GCNT2: variants seen among roughly 807,000 people sequenced by gnomAD.
GCNT2 encodes the protein glucosaminyl (N-acetyl) transferase 2 (I blood group).
GCNT2 carries 34 observed loss-of-function variants against 34.2 expected under a neutral mutation model. The ratio of observed to expected loss-of-function variants is 1.00; its 90% CI spans 0.76 to 1.32. The LOEUF is 1.32. Ranked by LOEUF, GCNT2 falls within the 40% of genes most tolerant of loss-of-function variation. The pLI, the probability that GCNT2 is intolerant of heterozygous loss-of-function variation, is 0.00. For missense variants in GCNT2, 584 were observed against 489.4 expected (o/e 1.19, Z -1.82); for synonymous variants, 212 against 188.0 (o/e 1.13, Z -1.04).
chr6:10,605,202 G>A (rs1432576276), intron 3 of GCNT2, among the ~76,000 whole-genome samples: 1 of 137,378 alleles, frequency 7.3e-6, no homozygotes, highest in Non-Finnish European at 1.5e-5. Flanking sequence ...TTGCTTTCAT[G>A]TAGGAATTTT....
At chr6:10,621,674 A>G (rs1766044510) in intron 4 of GCNT2, 2 of 495,096 alleles carry the variant, frequency 4.0e-6, no homozygotes, top group Admixed American at 3.1e-5. Context: ...ATGGGTTCAA[A>G]TCAGGGCGGC....
rs1252500455 is a variant in GCNT2, at chr6:10,528,713, T to C, written c.-199T>C. ...GAAATGTGTCACAGAAAAGTGAAAATGCAACCTAGTGGTAAGTGAAGAGGG... is the reference window on the plus strand; with the variant it reads ...GAAATGTGTCACAGAAAAGTGAAAACGCAACCTAGTGGTAAGTGAAGAGGG... On this transcript the variant is annotated 5_prime_UTR_variant, in exon 3 of 5. An upstream start codon of the reference 5' UTR is lost. Transcript: ENST00000495262. The C allele has an allele frequency of 3.3e-6, 2 of 610,194 alleles. No individual in the cohort carries two copies. Among genetic ancestry groups the C allele is most frequent in the Non-Finnish European group, 2.9e-6 (1 of 345,072 alleles). The allele number at this position is 610,194 out of a possible 1,614,324, so 37.8% of individuals were successfully genotyped here.
intron 3 of GCNT2, among the ~76,000 whole-genome samples, chr6:10,541,156 A>G (rs1762020227): frequency 6.6e-6 from 1 of 152,164 alleles, no homozygotes; most frequent in South Asian, 2.1e-4. Flanking sequence ...CTTCTTCCTG[A>G]TGCTTTCCCT....
chr6:10,569,269 ACACACC>A (rs879930878), intron 3 of GCNT2, among the ~76,000 whole-genome samples: 29 of 144,196 alleles, frequency 2.0e-4, no homozygotes, highest in Middle Eastern at 3.5e-3. Context: ...ACACACACAC[ACACACC>A]CCCTAGGTAA....
chr6:10,525,921 G>A (rs1761160209), intron 1 of GCNT2, among the ~76,000 whole-genome samples: 1 of 152,178 alleles, frequency 6.6e-6, no homozygotes, highest in African/African-American at 2.4e-5. Flanking sequence ...TGAGGTAAGA[G>A]TCAAACAAAC....
chr6:10,592,222 T>TA (rs1764682377), intron 3 of GCNT2, among the ~76,000 whole-genome samples: 1 of 152,224 alleles, frequency 6.6e-6, no homozygotes, highest in Non-Finnish European at 1.5e-5. Flanking sequence ...ACAAAACAGA[T>TA]ACTTCCATAG....
chr6:10,552,439 C>T (rs1453092597), intron 3 of GCNT2, among the ~76,000 whole-genome samples: 1 of 151,936 alleles, frequency 6.6e-6, no homozygotes, highest in African/African-American at 2.4e-5. Context: ...TCCTTGGATT[C>T]GACCTTGGGC....
At chr6:10,617,789 C>G (rs1357516464) in intron 3 of GCNT2, among the ~76,000 whole-genome samples, 1 of 122,188 alleles carries the variant, frequency 8.2e-6, no homozygotes, top group Admixed American at 9.2e-5. Context: ...GGGTCTCACT[C>G]TGTTGCCCAG....
chr6:10,595,835 CTT>C (rs1345682916), intron 3 of GCNT2, among the ~76,000 whole-genome samples: 3 of 152,126 alleles, frequency 2.0e-5, no homozygotes, highest in African/African-American at 7.2e-5. Flanking sequence ...AATAGAAAAA[CTT>C]ATAAACACAC....
At chr6:10,601,672 T>G (rs1159587458) in intron 3 of GCNT2, among the ~76,000 whole-genome samples, 2 of 152,184 alleles carry the variant, frequency 1.3e-5, no homozygotes, top group East Asian at 3.9e-4. Context: ...CCAGGCGCAG[T>G]GGCTCACGCC....
rs1479922973 is a variant in GCNT2, at chr6:10,627,904, G to A, written c.*1297G>A. 1 of 152,536 alleles carries A rather than the reference G, an allele frequency of 6.6e-6. No homozygotes were observed. The highest frequency in any genetic ancestry group is 1.9e-4 in the East Asian group (1 of 5,202). 9.4% of individuals were successfully genotyped at this position (152,536 alleles called of 1,614,324 possible). The stretch of plus-strand genomic sequence containing the variant: ...AAAGGAGGAGACAGAGGGAGGACCT[G>A]TTGTGTTCCAGCCATTCTGGTATTC... On this transcript the variant is annotated 3_prime_UTR_variant, in exon 5 of 5. Coordinates refer to ENST00000495262, the MANE Select transcript of GCNT2 (RefSeq NM_145649.5).
chr6:10,584,330 C>T (rs1273259206), intron 3 of GCNT2, among the ~76,000 whole-genome samples: 1 of 152,176 alleles, frequency 6.6e-6, no homozygotes, highest in Non-Finnish European at 1.5e-5. Context: ...AGTAGTATTG[C>T]TGCCATGATG....
chr6:10,570,974 G>A (rs920084088), intron 3 of GCNT2, among the ~76,000 whole-genome samples: 1 of 152,104 alleles, frequency 6.6e-6, no homozygotes, highest in African/African-American at 2.4e-5. Context: ...AAGCCTCTCA[G>A]GTACAGTTTT....
At chr6:10,556,486 C>T (rs781622580) in intron 3 of GCNT2, 8 of 1,614,112 alleles carry the variant, frequency 5.0e-6, no homozygotes, top group East Asian at 2.2e-5. Context: ...TTTTTATCGT[C>T]TTCTCTGTGT....
chr6:10,556,863 A>T, intron 3 of GCNT2: 1 of 1,614,164 alleles, frequency 6.2e-7, no homozygotes, highest in Non-Finnish European at 8.5e-7. Flanking sequence ...TGCTTCCCAA[A>T]CGCTTTTCTG....
chr6:10,530,922 C>T (rs1396426170), intron 3 of GCNT2, among the ~76,000 whole-genome samples: 12 of 151,602 alleles, frequency 7.9e-5, no homozygotes, highest in East Asian at 1.9e-4. Context: ...GGCGTGGTGG[C>T]GCATGCCTGT....
intron 3 of GCNT2, among the ~76,000 whole-genome samples, chr6:10,568,958 A>G (rs1289134797): frequency 6.6e-6 from 1 of 152,000 alleles, no homozygotes; most frequent in Non-Finnish European, 1.5e-5. Context: ...TTATACCTTT[A>G]TAAACCTCTG....
At chr6:10,617,109 A>C (rs1308364823) in intron 3 of GCNT2, among the ~76,000 whole-genome samples, 4 of 152,108 alleles carry the variant, frequency 2.6e-5, no homozygotes, top group Non-Finnish European at 2.9e-5. Context: ...TGGAGCAGGG[A>C]GGGGTGCTCG....
chr6:10,616,289 A>ATATCTTTCAAGGCGGTG (rs1554138022), intron 3 of GCNT2, among the ~76,000 whole-genome samples: 1 of 152,266 alleles, frequency 6.6e-6, no homozygotes. Context: ...GGTGAGTGTT[A>ATATCTTTCAAGGCGGTG]CCACTCATAT....
Sources: allele counts gnomAD v4.1 joint callset (sites outside exome capture counted in the v4.1 genomes callset), GRCh38; gene constraint gnomAD v4.1.1; transcripts MANE v1.5; gene names NCBI Gene and HGNC (gene_info 2026-07-23, HGNC 2026-07-21).